The following SDAD1 variants were observed in gnomAD, a reference collection of about 807,000 sequenced individuals.
SDAD1 encodes protein SDA1 homolog.
In SDAD1, 79 loss-of-function variants were observed where a neutral mutation model predicts 100.3. The observed-to-expected ratio is 0.79, with a 90% CI of 0.66 to 0.95. The LOEUF is 0.95. Ranked by LOEUF, SDAD1 falls within the 40% of genes least tolerant of loss-of-function variation. The pLI is 0.00. For missense variants in SDAD1, 790 were observed against 810.9 expected, an observed-to-expected ratio of 0.97 and a Z score of 0.31; for synonymous variants, 267 against 271.4, an observed-to-expected ratio of 0.98 and a Z score of 0.16.
intron 14 of SDAD1, among the ~76,000 whole-genome samples, chr4:75,962,743 G>GT (rs1023859872): frequency 5.9e-5 from 9 of 152,036 alleles, no homozygotes; most frequent in African/African-American, 1.4e-4. Context: ...TGTTGATGGG[G>GT]TTTTTTTCTT....
At chr4:75,968,408 TG>T (rs1729673130) in intron 11 of SDAD1, among the ~76,000 whole-genome samples, 1 of 152,196 alleles carries the variant, frequency 6.6e-6, no homozygotes, top group African/African-American at 2.4e-5. Context: ...TTTTTTTAAA[TG>T]GATGTTCAGA....
At chr4:75,956,968 G>A (rs1018230235) in intron 20 of SDAD1, among the ~76,000 whole-genome samples, 46 of 152,276 alleles carry the variant, frequency 3.0e-4, no homozygotes, top group African/African-American at 1.1e-3. Context: ...AAATTAGCTG[G>A]GCGTGGTAGC....
At chr4:75,965,724 T>A (rs750850157) in intron 13 of SDAD1, 40 bp downstream of exon 13, 48 of 1,549,752 alleles carry the variant, frequency 3.1e-5, no homozygotes, top group Non-Finnish European at 4.2e-5. Flanking sequence ...AACACTGTCA[T>A]CCATGCCCTA....
At chr4:75,952,223 G>C (rs1157059540) in intron 21 of SDAD1, among the ~76,000 whole-genome samples, 1 of 152,126 alleles carries the variant, frequency 6.6e-6, no homozygotes, top group African/African-American at 2.4e-5. Context: ...ACATACTGTT[G>C]TATACTGATT....
intron 10 of SDAD1, 76 bp from the exon 11 acceptor site, chr4:75,969,475 A>G: frequency 1.1e-6 from 1 of 944,076 alleles, no homozygotes; most frequent in Non-Finnish European, 1.7e-6. Flanking sequence ...GCGTAGGAAA[A>G]GACAATAGTT....
intron 6 of SDAD1, among the ~76,000 whole-genome samples, chr4:75,974,899 G>A (rs1447024595): frequency 4.0e-5 from 6 of 150,104 alleles, no homozygotes; most frequent in South Asian, 2.1e-4. Context: ...AAAATTAGCC[G>A]AGCATGGTGG....
intron 7 of SDAD1, 21 bp downstream of exon 7, chr4:75,974,055 C>T: frequency 6.2e-7 from 1 of 1,608,678 alleles, no homozygotes; most frequent in Non-Finnish European, 8.5e-7. Flanking sequence ...AGAGCTTACA[C>T]ACAGCCCTAT....
chr4:75,966,684 G>A (rs529917727), intron 12 of SDAD1, among the ~76,000 whole-genome samples: 6 of 152,134 alleles, frequency 3.9e-5, no homozygotes, highest in Admixed American at 1.3e-4. Context: ...GCAATAAAAC[G>A]TCAATTTTTT....
At chr4:75,990,097 G>A (rs1731151886) in intron 1 of SDAD1, among the ~76,000 whole-genome samples, 1 of 152,132 alleles carries the variant, frequency 6.6e-6, no homozygotes, top group South Asian at 2.1e-4. Context: ...CACCCCTAAT[G>A]TTCACAACTT....
intron 17 of SDAD1, among the ~76,000 whole-genome samples, chr4:75,958,441 G>A (rs1447610224): frequency 1.3e-5 from 2 of 152,254 alleles, no homozygotes; most frequent in Non-Finnish European, 2.9e-5. Flanking sequence ...TAGAATATTT[G>A]GGATGTTAAA....
intron 7 of SDAD1, 99 bp downstream of exon 7, chr4:75,973,977 G>A (rs1190062452): frequency 1.1e-6 from 1 of 924,350 alleles, no homozygotes; most frequent in Non-Finnish European, 1.8e-6. Context: ...TGCCTGGTGT[G>A]CAGGCATGCA....
chr4:75,950,523 T>C lies in SDAD1; in HGVS notation c.*227A>G, dbSNP rs533166461. On this transcript the variant is annotated 3_prime_UTR_variant, in exon 22 of 22. Transcript: ENST00000356260. The stretch of plus-strand genomic sequence containing the variant: ...CACTCAATACATACTTTTTTTTGCA[T>C]GAATGATAAATGAAATGATTTTACA... The C allele has an allele frequency of 7.2e-5, 33 of 455,650 alleles. No homozygotes were observed. The South Asian group carries it at 1.3e-3, about 18-fold the overall frequency. The allele number at this position is 455,650 out of a possible 1,614,324, so 28.2% of individuals were successfully genotyped here. A position where few individuals can be genotyped will look rare whatever the true frequency, so the allele number is the denominator to read the frequency against.
chr4:75,979,386 C>G (rs907064034), intron 3 of SDAD1, among the ~76,000 whole-genome samples: 2 of 152,100 alleles, frequency 1.3e-5, no homozygotes, highest in African/African-American at 4.8e-5. Context: ...AGAGCTTCTT[C>G]CAGTGTGTTC....
rs749702551 is a variant in SDAD1, at chr4:75,981,480, A to G, written c.196-10T>C. On this transcript the variant is annotated splice_polypyrimidine_tract_variant and intron_variant, in intron 2 of 21. Transcript: ENST00000356260. ...GGTAGCAGTGACTAATCTGTAACAA[A>G]GCAAAGGCTCTTCTGAAGTTGCTCT... 6.2e-7 allele frequency: 1 copy of G among 1,613,732 alleles called. No homozygotes were observed. The highest frequency in any genetic ancestry group is 1.1e-5 in the South Asian group (1 of 91,074).
rs751109233 is a variant in SDAD1 at position 75,977,732 on chromosome 4, G to C, written c.319C>G (p.Leu107Val). 37 of 1,611,912 alleles carry C rather than the reference G, an allele frequency of 2.3e-5. No individual in the cohort carries two copies. In the East Asian group the frequency reaches 8.3e-4, roughly 36 times the overall value. The stretch of plus-strand genomic sequence containing the variant: ...GGATTGATGAGATTCTTATTTCTCA[G>C]CAAGATCAAAGCTTTGCAAAATGTC... ...RMTFCKALIL[L>V]RNKNLINPSS... The change falls in exon 4 of 22, where the codon CTG becomes GTG. Residue 107 changes from leucine to valine, a missense_variant. Leu to Val is a conservative substitution (Grantham distance 32). Coordinates refer to ENST00000356260, the MANE Select transcript of SDAD1 (RefSeq NM_018115.4).
rs1728949693 is a variant in SDAD1 at position 75,957,266 on chromosome 4, C to T, written c.1854+59G>A. 4.2e-6 allele frequency: 6 copies of T among 1,442,826 alleles called. No individual in the cohort carries two copies. The South Asian group carries it at 4.8e-5, about 12-fold the overall frequency. 89.4% of individuals were successfully genotyped at this position (1,442,826 alleles called of 1,614,324 possible). ...CATTCTGTGGCTATACAAGTTCTGG[C>T]TTATGTTTCATTTTATTTGCTTTCT... On this transcript the variant is annotated intron_variant, in intron 20 of 21. Transcript: ENST00000356260.
At chr4:75,967,837 G>C (rs1281774973) in intron 11 of SDAD1, among the ~76,000 whole-genome samples, 3 of 152,184 alleles carry the variant, frequency 2.0e-5, no homozygotes, top group African/African-American at 7.2e-5. Flanking sequence ...CAACCACATG[G>C]AAGGAGTTAC....
In SDAD1 at chr4:75,971,467, G is replaced by T; in HGVS notation, c.712-9C>A. The T allele has an allele frequency of 6.3e-7, 1 of 1,588,722 alleles. No homozygotes were observed. Among genetic ancestry groups the T allele is most frequent in the Non-Finnish European group, 8.6e-7 (1 of 1,159,064 alleles). ...GCTGTTGGTCCATCATCCTAAAGAA[G>T]AAATTACTTTGTAAAATTGTAAACA... On this transcript the variant is annotated splice_polypyrimidine_tract_variant and intron_variant, in intron 8 of 21. Coordinates refer to ENST00000356260, the MANE Select transcript of SDAD1 (RefSeq NM_018115.4).
At chr4:75,970,233 C>T in intron 10 of SDAD1, 76 bp downstream of exon 10, 1 of 1,258,072 alleles carries the variant, frequency 7.9e-7, no homozygotes, top group Non-Finnish European at 1.1e-6. Context: ...CTTATATTCC[C>T]TGAAAACCCC....
Sources: allele counts gnomAD v4.1 joint callset (sites outside exome capture counted in the v4.1 genomes callset), GRCh38; gene constraint gnomAD v4.1.1; transcripts MANE v1.5; gene names NCBI Gene and HGNC (gene_info 2026-07-23, HGNC 2026-07-21).